The following RBFOX1 variants were observed in gnomAD, a reference collection of about 807,000 sequenced individuals.
The protein encoded by RBFOX1 is RNA binding fox-1 homolog 1.
RBFOX1 carries 8 observed loss-of-function variants against 57.7 expected under a neutral mutation model. The observed-to-expected ratio is 0.14, with a 90% CI of 0.08 to 0.25. The LOEUF (loss-of-function observed/expected upper bound fraction) is 0.25, where lower values mean the gene tolerates loss of function less well. RBFOX1 is among the 10% of genes least tolerant of loss of function. RBFOX1 has a pLI of 1.00. For missense variants in RBFOX1, 611 were observed against 548.5 expected (o/e 1.11, Z -1.14); for synonymous variants, 326 against 222.4 (o/e 1.47, Z -4.15).
chr16:7,307,049 A>G (rs2096206381), intron 4 of RBFOX1, among the ~76,000 whole-genome samples: 1 of 152,210 alleles, frequency 6.6e-6, no homozygotes, highest in Admixed American at 6.5e-5. Flanking sequence ...TTCACTGAAA[A>G]CAATTTTATT....
intron 4 of RBFOX1, among the ~76,000 whole-genome samples, chr16:7,492,873 T>G (rs890869292): frequency 1.3e-5 from 2 of 152,092 alleles, no homozygotes; most frequent in Admixed American, 1.3e-4. Context: ...AAACTGATGC[T>G]GGCACCAACC....
intron 2 of RBFOX1, among the ~76,000 whole-genome samples, chr16:6,622,887 A>C (rs912039706): frequency 6.6e-6 from 1 of 152,356 alleles, no homozygotes; most frequent in East Asian, 1.9e-4. Flanking sequence ...TGTTCTGCCA[A>C]GTTGGGCAAC....
intron 1 of RBFOX1, among the ~76,000 whole-genome samples, chr16:6,224,822 A>T (rs1418786175): frequency 6.6e-6 from 1 of 152,022 alleles, no homozygotes; most frequent in Non-Finnish European, 1.5e-5. Context: ...GGAGTTTGAG[A>T]CCAGCCTGAC....
At chr16:7,622,735 G>A (rs2059500671) in intron 10 of RBFOX1, among the ~76,000 whole-genome samples, 1 of 151,868 alleles carries the variant, frequency 6.6e-6, no homozygotes, top group African/African-American at 2.4e-5. Flanking sequence ...GAAATCCCTT[G>A]GTACAATTAA....
chr16:5,691,668 A>G (rs1033620035), intron 3 of RBFOX1, among the ~76,000 whole-genome samples: 1 of 152,348 alleles, frequency 6.6e-6, no homozygotes, highest in East Asian at 1.9e-4. Flanking sequence ...GTGCTCAAGG[A>G]GTTTCAGATT....
intron 2 of RBFOX1, among the ~76,000 whole-genome samples, chr16:6,520,410 T>A (rs2096475733): frequency 6.6e-6 from 1 of 152,194 alleles, no homozygotes; most frequent in Non-Finnish European, 1.5e-5. Context: ...ACATAGACTA[T>A]AAAATCCTAA....
At chr16:5,365,367 C>T (rs495375) in intron 1 of RBFOX1, among the ~76,000 whole-genome samples, 55,505 of 152,088 alleles carry the variant, frequency 0.36, 10,920 homozygotes, top group East Asian at 0.59. Flanking sequence ...AAGATCCTGG[C>T]ATTAAGAAAA....
chr16:6,791,196 C>T (rs1355699817), intron 3 of RBFOX1, among the ~76,000 whole-genome samples: 1 of 152,120 alleles, frequency 6.6e-6, no homozygotes, highest in Admixed American at 6.6e-5. Flanking sequence ...TGTGAGCCAC[C>T]ACACCCGGCC....
At chr16:5,786,961 C>A (rs138815444) in intron 3 of RBFOX1, among the ~76,000 whole-genome samples, 2 of 152,098 alleles carry the variant, frequency 1.3e-5, no homozygotes, top group Admixed American at 1.3e-4. Context: ...CATGGTGAAA[C>A]CCCATCTCTA....
chr16:6,883,991 T>A (rs2063462112), intron 3 of RBFOX1, among the ~76,000 whole-genome samples: 1 of 152,112 alleles, frequency 6.6e-6, no homozygotes, highest in Non-Finnish European at 1.5e-5. Context: ...TTGTGAAAAC[T>A]GGGGAGTCAC....
chr16:5,262,921 C>G (rs1215812335), intron 1 of RBFOX1, among the ~76,000 whole-genome samples: 4 of 152,112 alleles, frequency 2.6e-5, no homozygotes, highest in Admixed American at 6.5e-5. Context: ...AAGGGATGCA[C>G]TGGGGACATG....
chr16:7,537,974 A>T (rs78035348), intron 5 of RBFOX1, among the ~76,000 whole-genome samples: 1 of 152,234 alleles, frequency 6.6e-6, no homozygotes, highest in Non-Finnish European at 1.5e-5. Flanking sequence ...ACATTTATCA[A>T]CACCTACTGT....
intron 4 of RBFOX1, among the ~76,000 whole-genome samples, chr16:7,515,996 C>T (rs750628210): frequency 2.0e-5 from 3 of 152,128 alleles, no homozygotes; most frequent in Non-Finnish European, 4.4e-5. Context: ...AGGCATGTGC[C>T]ACCATGCCCG....
At chr16:6,711,283 C>A (rs746397704) in intron 3 of RBFOX1, among the ~76,000 whole-genome samples, 10 of 152,150 alleles carry the variant, frequency 6.6e-5, no homozygotes, top group Middle Eastern at 3.2e-3. Flanking sequence ...GCCCCTCCCC[C>A]CATGGCTTCT....
At chr16:6,094,625 A>G (rs910385122) in intron 1 of RBFOX1, among the ~76,000 whole-genome samples, 2 of 152,208 alleles carry the variant, frequency 1.3e-5, no homozygotes, top group Middle Eastern at 3.2e-3. Flanking sequence ...AGCTCCTTCT[A>G]GTTTTTATTC....
At chr16:6,322,377 C>G (rs761408089) in intron 2 of RBFOX1, among the ~76,000 whole-genome samples, 49 of 152,198 alleles carry the variant, frequency 3.2e-4, no homozygotes, top group Non-Finnish European at 1.0e-4. Context: ...GCAAGTTCAT[C>G]TCTTGATATC....
intron 2 of RBFOX1, among the ~76,000 whole-genome samples, chr16:6,544,444 G>A (rs546591486): frequency 5.6e-4 from 85 of 152,256 alleles, no homozygotes; most frequent in African/African-American, 1.8e-3. Context: ...TTAGTTGAAC[G>A]GATGTTCTGG....
intron 3 of RBFOX1, among the ~76,000 whole-genome samples, chr16:6,994,725 A>G (rs989285423): frequency 5.3e-5 from 8 of 152,204 alleles, no homozygotes; most frequent in Non-Finnish European, 8.8e-5. Flanking sequence ...AAGCTATCAT[A>G]TTCCACAGCT....
At chr16:6,198,835 T>C (rs565915317) in intron 1 of RBFOX1, among the ~76,000 whole-genome samples, 1 of 152,234 alleles carries the variant, frequency 6.6e-6, no homozygotes, top group African/African-American at 2.4e-5. Context: ...AAATGATGTT[T>C]ATAGAGTACA....
Sources: allele counts gnomAD v4.1 joint callset (sites outside exome capture counted in the v4.1 genomes callset), GRCh38; gene constraint gnomAD v4.1.1; transcripts MANE v1.5; gene names NCBI Gene and HGNC (gene_info 2026-07-23, HGNC 2026-07-21).